The following AKAP13 variants were observed in gnomAD, a reference collection of about 807,000 sequenced individuals.
AKAP13 encodes the protein A-kinase anchor protein 13.
In AKAP13, 80 loss-of-function variants were observed where a neutral mutation model predicts 264.5. The observed-to-expected ratio is 0.30, with a 90% CI of 0.25 to 0.36. AKAP13 has a LOEUF of 0.36. AKAP13 is among the 10% of genes least tolerant of loss of function. The probability of loss-of-function intolerance (pLI) is 1.00; values close to 1 mark genes in which losing one functional copy is unlikely to be tolerated. For missense variants in AKAP13, 3,712 were observed against 3,435.2 expected (o/e 1.08, Z -2.01); for synonymous variants, 1,380 against 1,250.2 (o/e 1.10, Z -2.19).
At chr15:85,489,574 A>G (rs1337484052) in intron 2 of AKAP13, among the ~76,000 whole-genome samples, 1 of 152,212 alleles carries the variant, frequency 6.6e-6, no homozygotes, top group Non-Finnish European at 1.5e-5. Flanking sequence ...CAAGAGAACA[A>G]AGACTGTGAA....
At chr15:85,670,195 G>A (rs2083844600) in intron 14 of AKAP13, among the ~76,000 whole-genome samples, 1 of 152,002 alleles carries the variant, frequency 6.6e-6, no homozygotes, top group East Asian at 1.9e-4. Context: ...TTCACGTCCA[G>A]TCCTCAAATG....
rs34434221 is a variant in AKAP13 at position 85,579,644 on chromosome 15, A to C, written c.1576A>C (p.Lys526Gln). The change falls in exon 7 of 37, where the codon AAG (lysine) becomes CAG (glutamine). Residue 526 changes from lysine to glutamine, a missense_variant. This residue lies in a region of AKAP13 where 2,759 missense variants were observed against 2,411.7 expected (regional missense o/e 1.14). Coordinates refer to ENST00000394518, the MANE Select transcript of AKAP13 (RefSeq NM_007200.5). Reference sequence around the variant, plus strand: ...AGCCTCTGACGTGCACGTCACAAGTAAGCCTGTGGATAAAATCAGTGTTCC... The same window carrying C: ...AGCCTCTGACGTGCACGTCACAAGTCAGCCTGTGGATAAAATCAGTGTTCC... ...AGASDVHVTS[K>Q]PVDKISVPNC... 0.025 allele frequency: 41,151 copies of C among 1,614,184 alleles called. 609 individuals carry two copies. Among genetic ancestry groups the C allele is most frequent in the Middle Eastern group, 0.035 (212 of 6,062 alleles).
intron 3 of AKAP13, among the ~76,000 whole-genome samples, chr15:85,528,009 A>G (rs999080029): frequency 6.6e-6 from 1 of 152,212 alleles, no homozygotes; most frequent in African/African-American, 2.4e-5. Flanking sequence ...TAGCTGATGA[A>G]ACAAAGTTCC....
intron 1 of AKAP13, among the ~76,000 whole-genome samples, chr15:85,392,820 G>T (rs972858973): frequency 6.6e-6 from 1 of 152,226 alleles, no homozygotes; most frequent in Non-Finnish European, 1.5e-5. Flanking sequence ...ATGTTGCACT[G>T]TGGTGGGCAG....
intron 1 of AKAP13, among the ~76,000 whole-genome samples, chr15:85,468,058 G>A (rs769552807): frequency 6.6e-6 from 1 of 152,178 alleles, no homozygotes; most frequent in African/African-American, 2.4e-5. Flanking sequence ...GTGAGTAGGT[G>A]GTTCTTAAAC....
chr15:85,381,169 C>G (rs1567029279), intron 1 of AKAP13, among the ~76,000 whole-genome samples: 2 of 152,056 alleles, frequency 1.3e-5, no homozygotes, highest in Non-Finnish European at 1.5e-5. Context: ...CCCGGGTCCC[C>G]GGGTCGGCGC....
At chr15:85,553,084 CTTTTTTT>C (rs10693195) in intron 5 of AKAP13, among the ~76,000 whole-genome samples, 1,973 of 120,402 alleles carry the variant, frequency 0.016, 52 homozygotes, top group African/African-American at 0.058. Flanking sequence ...ATCTGTAATT[CTTTTTTT>C]TTTTTTTTTT....
intron 3 of AKAP13, among the ~76,000 whole-genome samples, chr15:85,526,954 AT>A (rs11073395): frequency 0.77 from 100,779 of 131,258 alleles, 38,462 homozygotes; most frequent in African/African-American, 0.81. Flanking sequence ...CTTAGTTGTA[AT>A]TTTTTTTTTT....
chr15:85,677,183 T>A, intron 14 of AKAP13: 1 of 960,772 alleles, frequency 1.0e-6, no homozygotes, highest in Non-Finnish European at 1.2e-6. Context: ...ACTAAGAAAT[T>A]GTATGGGGGC....
intron 7 of AKAP13, among the ~76,000 whole-genome samples, chr15:85,583,842 A>C (rs1489171709): frequency 2.0e-5 from 2 of 98,696 alleles, no homozygotes; most frequent in Non-Finnish European, 5.7e-5. Context: ...GGTTTTGAGA[A>C]GGAAGAAAAA....
At chr15:85,513,577 G>A (rs1269169550) in intron 2 of AKAP13, among the ~76,000 whole-genome samples, 2 of 152,124 alleles carry the variant, frequency 1.3e-5, no homozygotes, top group African/African-American at 2.4e-5. Flanking sequence ...CCTGTAGGCC[G>A]ACAATTTTTT....
chr15:85,562,691 C>CTTTTTTTTTTTTTTTTTTTTTTTTTT (rs10598092), intron 5 of AKAP13, among the ~76,000 whole-genome samples: 2 of 100,520 alleles, frequency 2.0e-5, no homozygotes, highest in Admixed American at 1.2e-4. Flanking sequence ...CTTTTCTTTT[C>CTTTTTTTTTTTTTTTTTTTTTTTTTT]TTTTTTTTTT....
intron 2 of AKAP13, among the ~76,000 whole-genome samples, chr15:85,517,636 T>C (rs955848580): frequency 8.5e-5 from 13 of 152,146 alleles, no homozygotes; most frequent in African/African-American, 3.1e-4. Flanking sequence ...ATGGCTACCA[T>C]TTAAAACCCC....
chr15:85,413,197 G>T (rs567724726), intron 1 of AKAP13, among the ~76,000 whole-genome samples: 2 of 152,296 alleles, frequency 1.3e-5, no homozygotes, highest in Admixed American at 6.5e-5. Flanking sequence ...AAGATCCTGC[G>T]CATGTTTTCT....
chr15:85,709,225 G>A (rs558152104), intron 18 of AKAP13, among the ~76,000 whole-genome samples: 11 of 152,026 alleles, frequency 7.2e-5, no homozygotes, highest in African/African-American at 2.7e-4. Context: ...AGCACTCCCA[G>A]TTTTTCCTTT....
intron 9 of AKAP13, among the ~76,000 whole-genome samples, chr15:85,640,396 A>G (rs571298683): frequency 1.3e-5 from 2 of 152,342 alleles, no homozygotes; most frequent in Non-Finnish European, 2.9e-5. Flanking sequence ...AATAGTTTAC[A>G]TGTAGATACC....
chr15:85,653,038 C>T (rs553154296), intron 10 of AKAP13, among the ~76,000 whole-genome samples: 58 of 152,228 alleles, frequency 3.8e-4, no homozygotes, highest in Middle Eastern at 3.4e-3. Flanking sequence ...GTGAGAAAGC[C>T]GAGATATTCA....
chr15:85,532,378 A>C (rs2077268543), intron 3 of AKAP13, among the ~76,000 whole-genome samples: 1 of 152,244 alleles, frequency 6.6e-6, no homozygotes, highest in African/African-American at 2.4e-5. Context: ...CGTGGTATGG[A>C]AATTCAGTCG....
At chr15:85,480,521 A>T (rs2075316480) in intron 1 of AKAP13, among the ~76,000 whole-genome samples, 1 of 150,884 alleles carries the variant, frequency 6.6e-6, no homozygotes, top group African/African-American at 2.4e-5. Context: ...AAGGTAATAC[A>T]GTTAATTGTA....
Sources: gnomAD v4.1 joint callset for allele counts (sites outside exome capture counted in the v4.1 genomes callset) on GRCh38, gnomAD v4.1.1 for gene constraint, gnomAD v4.1.1 regional missense constraint, MANE v1.5 for transcripts, NCBI Gene and HGNC (gene_info 2026-07-23, HGNC 2026-07-21) for gene names.